PPP2R5C: variants seen among roughly 807,000 people sequenced by gnomAD.
PPP2R5C encodes the protein serine/threonine-protein phosphatase 2A 56 kDa regulatory subunit gamma isoform.
A neutral mutation model predicts 68.9 loss-of-function variants in PPP2R5C; 7 were observed. The observed-to-expected ratio is 0.10, with a 90% CI of 0.06 to 0.19. PPP2R5C has a LOEUF of 0.19. Ranked by LOEUF, PPP2R5C falls within the 10% of genes least tolerant of loss-of-function variation. The probability of loss-of-function intolerance (pLI) is 1.00; values close to 1 mark genes in which losing one functional copy is unlikely to be tolerated. For synonymous variants in PPP2R5C, 210 were observed against 222.2 expected (o/e 0.95, Z 0.49); for missense variants, 348 against 641.3 (o/e 0.54, Z 4.94).
At chr14:101,761,228 G>A (rs2036508526), upstream of PPP2R5C, among the ~76,000 whole-genome samples, 4 of 152,210 alleles carry the variant, frequency 2.6e-5, no homozygotes, top group Admixed American at 2.6e-4. Flanking sequence ...GAGGGGGCAA[G>A]GCCAAGAGGC....
intron 1 of PPP2R5C, chr14:101,824,423 A>C (rs2040274923): frequency 5.2e-6 from 1 of 192,500 alleles, no homozygotes; most frequent in African/African-American, 2.3e-5. Flanking sequence ...TGAAAAAAAA[A>C]CCTATGCACG....
chr14:101,842,862 T>C (rs113264750), intron 1 of PPP2R5C, among the ~76,000 whole-genome samples: 371 of 151,908 alleles, frequency 2.4e-3, no homozygotes, highest in Admixed American at 5.4e-3. Flanking sequence ...TACTATGTCC[T>C]ATCATACTTA....
chr14:101,826,969 CTTTTTTTTTT>C (rs1030539072), intron 1 of PPP2R5C, among the ~76,000 whole-genome samples: 1 of 95,860 alleles, frequency 1.0e-5, no homozygotes, highest in Non-Finnish European at 2.0e-5. Flanking sequence ...AAATGTTTAA[CTTTTTTTTTT>C]TTTTTTTTTT....
chr14:101,872,114 AC>A lies in PPP2R5C; in HGVS notation c.295-10045del, dbSNP rs534149118. On this transcript the variant is annotated intron_variant, in intron 2 of 13. Transcript: ENST00000334743. ...TTCAGATACCCATCTGATATCAATTACCTTCTGCTTGAAGGACTGTCTTAAT... is the reference window on the plus strand; with the variant it reads ...TTCAGATACCCATCTGATATCAATTACTTCTGCTTGAAGGACTGTCTTAAT... Among the ~76,000 whole-genome samples, 4 of 151,632 alleles carry A rather than the reference AC, an allele frequency of 2.6e-5. No homozygotes were observed. In the East Asian group the frequency reaches 7.7e-4, roughly 29 times the overall value.
intron 13 of PPP2R5C, chr14:101,921,888 C>T (rs1434173657): frequency 4.1e-6 from 3 of 727,730 alleles, no homozygotes; most frequent in East Asian, 2.7e-4. Flanking sequence ...ACTAGTATAA[C>T]CCTATACAGA....
chr14:101,837,497 C>T (rs78459266), intron 1 of PPP2R5C, among the ~76,000 whole-genome samples: 1,834 of 152,196 alleles, frequency 0.012, 36 homozygotes, highest in African/African-American at 0.04. Context: ...CAGAGGAAAC[C>T]GATGTGATTT....
At chr14:101,886,140 G>T (rs1595471480) in intron 5 of PPP2R5C, among the ~76,000 whole-genome samples, 1 of 152,284 alleles carries the variant, frequency 6.6e-6, no homozygotes, top group East Asian at 1.9e-4. Context: ...AATTAGCCGG[G>T]CGTGGTGGCG....
At chr14:101,886,147 G>A (rs2044497444) in intron 5 of PPP2R5C, among the ~76,000 whole-genome samples, 1 of 152,170 alleles carries the variant, frequency 6.6e-6, no homozygotes, top group African/African-American at 2.4e-5. Flanking sequence ...CGGGCGTGGT[G>A]GCGGGCACCT....
chr14:101,784,841 G>A (rs772931395), intron 2 of PPP2R5C, among the ~76,000 whole-genome samples: 25 of 152,208 alleles, frequency 1.6e-4, no homozygotes, highest in Non-Finnish European at 3.2e-4. Context: ...CTGGATAGTG[G>A]TCGCAGCAAA....
chr14:101,896,084 A>G (rs536234128), intron 8 of PPP2R5C, among the ~76,000 whole-genome samples: 2 of 152,122 alleles, frequency 1.3e-5, no homozygotes, highest in Non-Finnish European at 2.9e-5. Context: ...CAATGGTGCA[A>G]TCTTGGCTCA....
intron 2 of PPP2R5C, among the ~76,000 whole-genome samples, chr14:101,857,431 G>C (rs1285222519): frequency 1.3e-5 from 2 of 152,188 alleles, no homozygotes; most frequent in African/African-American, 4.8e-5. Context: ...ACCTGTCAGT[G>C]CTAGGATCAG....
In PPP2R5C at chr14:101,844,387, C is replaced by T. The variant is rs148518907; in HGVS notation, c.95-12299C>T. Among the ~76,000 whole-genome samples the T allele has an allele frequency of 3.2e-3, 480 of 152,238 alleles. 2 individuals carry two copies. Among genetic ancestry groups the T allele is most frequent in the South Asian group, 0.011 (51 of 4,816 alleles). Reference sequence around the variant, plus strand: ...AGTTCTGATATCGTGGTTTCTGGCACGTGACATGGTACCCGTGTTGCTCTG... The same window carrying T: ...AGTTCTGATATCGTGGTTTCTGGCATGTGACATGGTACCCGTGTTGCTCTG... On this transcript the variant is annotated intron_variant, in intron 1 of 13. Transcript: ENST00000334743.
At chr14:101,864,573 C>T (rs1471908965) in intron 2 of PPP2R5C, among the ~76,000 whole-genome samples, 1 of 152,208 alleles carries the variant, frequency 6.6e-6, no homozygotes, top group African/African-American at 2.4e-5. Flanking sequence ...GGAGGCCTAA[C>T]CCCTTGCCTG....
intron 1 of PPP2R5C, among the ~76,000 whole-genome samples, chr14:101,838,185 G>A (rs906323849): frequency 2.0e-5 from 3 of 152,198 alleles, no homozygotes; most frequent in Admixed American, 2.0e-4. Flanking sequence ...TGAAACCAAA[G>A]AACAGGTTTT....
chr14:101,793,401 C>T lies in PPP2R5C; in HGVS notation c.259+7218C>T, dbSNP rs543532561. Among the ~76,000 whole-genome samples, 82 of 152,282 alleles carry T rather than the reference C, an allele frequency of 5.4e-4. 1 individual carries two copies. The highest frequency in any genetic ancestry group is 1.9e-3 in the African/African-American group (81 of 41,552). On this transcript the variant is annotated intron_variant, in intron 3 of 14. Transcript: ENST00000328724. Reference sequence around the variant, plus strand: ...TTTTGAAGCAGGATATTTCCCTGACCACTTCACGGGCAGGAACTGGACTGC... The same window carrying T: ...TTTTGAAGCAGGATATTTCCCTGACTACTTCACGGGCAGGAACTGGACTGC...
rs900516074 is a variant in PPP2R5C at position 101,917,531 on chromosome 14, G to A, written c.1327-300G>A. On this transcript the variant is annotated intron_variant, in intron 12 of 13. Transcript: ENST00000334743. The surrounding 1 kb of genome is among the most constrained non-coding windows in gnomAD (Gnocchi z 4.4). ...TGCGACCTCGCACTTGGCTGCTCAC[G>A]TGGAGTCAGAACTGCAGAGGCCATG... 2.0e-5 allele frequency among the ~76,000 whole-genome samples: 3 copies of A among 152,100 alleles called. No homozygotes were observed. Among genetic ancestry groups the A allele is most frequent in the African/African-American group, 4.8e-5 (2 of 41,394 alleles).
chr14:101,841,997 C>G (rs2041503971), intron 1 of PPP2R5C, among the ~76,000 whole-genome samples: 1 of 152,050 alleles, frequency 6.6e-6, no homozygotes, highest in Non-Finnish European at 1.5e-5. Context: ...TCACGGAGGC[C>G]CCCCAGAGCC....
At chr14:101,893,502 A>G (rs2045099334) in intron 7 of PPP2R5C, among the ~76,000 whole-genome samples, 2 of 152,330 alleles carry the variant, frequency 1.3e-5, no homozygotes, top group South Asian at 4.1e-4. Flanking sequence ...CTATAATCCC[A>G]GCACTTTGGG....
intron 11 of PPP2R5C, among the ~76,000 whole-genome samples, 191 bp downstream of exon 13, chr14:101,909,881 A>G (rs537841794): frequency 3.3e-5 from 5 of 152,314 alleles, no homozygotes; most frequent in East Asian, 1.9e-4. Flanking sequence ...AAAGGTAGCT[A>G]TTCTCCCCCC....
Sources: allele counts gnomAD v4.1 joint callset (sites outside exome capture counted in the v4.1 genomes callset), GRCh38; gene constraint gnomAD v4.1.1; non-coding constraint Gnocchi (gnomAD v3.1); transcripts MANE v1.5; gene names NCBI Gene and HGNC (gene_info 2026-07-23, HGNC 2026-07-21).